MSRB2: variants seen among roughly 807,000 people sequenced by gnomAD.
The protein encoded by MSRB2 is methionine sulfoxide reductase B2.
MSRB2 carries 17 observed loss-of-function variants against 19.0 expected under a neutral mutation model. That is an observed-to-expected ratio of 0.89 (90% CI 0.61 to 1.34). The LOEUF is 1.34. Among genes scored for constraint, MSRB2 ranks in the 40% most tolerant of loss-of-function variants. MSRB2 has a pLI of 0.00. For synonymous variants in MSRB2, 107 were observed against 99.7 expected, an observed-to-expected ratio of 1.07 and a Z score of -0.44; for missense variants, 208 against 237.6, an observed-to-expected ratio of 0.88 and a Z score of 0.82.
At chr10:23,114,247 G>A (rs1274323182) in intron 3 of MSRB2, among the ~76,000 whole-genome samples, 1 of 151,844 alleles carries the variant, frequency 6.6e-6, no homozygotes, top group Non-Finnish European at 1.5e-5. Flanking sequence ...CTACTAAGGA[G>A]GCTGAGGTAG....
At chr10:23,099,021 C>T (rs997172464) in intron 1 of MSRB2, among the ~76,000 whole-genome samples, 1 of 152,210 alleles carries the variant, frequency 6.6e-6, no homozygotes, top group African/African-American at 2.4e-5. Context: ...GTCCCTTCCT[C>T]TTATGAGGAC....
intron 1 of MSRB2, among the ~76,000 whole-genome samples, chr10:23,099,918 T>C (rs1408743806): frequency 6.6e-6 from 1 of 152,220 alleles, no homozygotes; most frequent in East Asian, 1.9e-4. Flanking sequence ...GACTTTTAGC[T>C]CTTCTCTAAT....
At chr10:23,100,446 T>C (rs180999348) in intron 1 of MSRB2, among the ~76,000 whole-genome samples, 499 of 152,276 alleles carry the variant, frequency 3.3e-3, no homozygotes, top group African/African-American at 0.011. Flanking sequence ...CACAGTGCTA[T>C]AAAGAAATAC....
At chr10:23,105,971 T>C (rs939763133) in intron 2 of MSRB2, among the ~76,000 whole-genome samples, 2 of 152,048 alleles carry the variant, frequency 1.3e-5, no homozygotes, top group Non-Finnish European at 2.9e-5. Flanking sequence ...CACATGATAC[T>C]CTGTGAGCAG....
intron 3 of MSRB2, among the ~76,000 whole-genome samples, chr10:23,111,525 C>T (rs559416696): frequency 9.8e-4 from 149 of 152,342 alleles, no homozygotes; most frequent in African/African-American, 3.4e-3. Context: ...TCACAGTCTT[C>T]ACTCTTCCCC....
At chr10:23,111,399 T>C (rs968363419) in intron 3 of MSRB2, among the ~76,000 whole-genome samples, 3 of 152,246 alleles carry the variant, frequency 2.0e-5, no homozygotes, top group Non-Finnish European at 2.9e-5. Flanking sequence ...CATAGAACCA[T>C]GCTGCCAGCG....
Position 23,115,525 on chromosome 10 carries a change from C to T in MSRB2, c.297-3779C>T, listed in dbSNP as rs147451228. ...AGGGTTGTCAGTTATCACCAAGTGC[C>T]TGTGCTGTTGGTTTGGGACCTGTAG... On this transcript the variant is annotated intron_variant, in intron 3 of 4. Transcript: ENST00000376510. Among the ~76,000 whole-genome samples the T allele has an allele frequency of 3.5e-4, 53 of 152,302 alleles. No homozygotes were observed. The East Asian group carries it at 9.5e-3, about 27-fold the overall frequency.
At chr10:23,107,896 C>T (rs1840001402) in intron 2 of MSRB2, among the ~76,000 whole-genome samples, 1 of 151,644 alleles carries the variant, frequency 6.6e-6, no homozygotes, top group Non-Finnish European at 1.5e-5. Flanking sequence ...GGAAGCTAGG[C>T]AAGGAGAGAG....
chr10:23,102,181 CACTT>C (rs1383947682), intron 1 of MSRB2, among the ~76,000 whole-genome samples: 1 of 152,188 alleles, frequency 6.6e-6, no homozygotes, highest in African/African-American at 2.4e-5. Context: ...CACACACTCA[CACTT>C]ACTTATTTAT....
At position 23,120,867 on chromosome 10, in the gene MSRB2, C is replaced by A; in HGVS notation, c.*5C>A. Reference sequence around the variant, plus strand: ...TTCAAACCAAGGAAACACTGACCATCTTCAAGAGTCCCGTTCCCTTGCCAC... The same window carrying A: ...TTCAAACCAAGGAAACACTGACCATATTCAAGAGTCCCGTTCCCTTGCCAC... On this transcript the variant is annotated 3_prime_UTR_variant, in exon 5 of 5. Transcript: ENST00000376510. The A allele has an allele frequency of 6.2e-7, 1 of 1,609,728 alleles. No individual in the cohort carries two copies. Among genetic ancestry groups the A allele is most frequent in the Non-Finnish European group, 8.5e-7 (1 of 1,176,450 alleles).
At chr10:23,100,157 G>A (rs1839912035) in intron 1 of MSRB2, among the ~76,000 whole-genome samples, 1 of 152,232 alleles carries the variant, frequency 6.6e-6, no homozygotes, top group African/African-American at 2.4e-5. Context: ...AAAGCTAAGA[G>A]GAGGGTGTTT....
intron 4 of MSRB2, among the ~76,000 whole-genome samples, chr10:23,119,964 A>G (rs1840163930): frequency 6.6e-6 from 1 of 152,186 alleles, no homozygotes; most frequent in Non-Finnish European, 1.5e-5. Context: ...CACTGCAAAA[A>G]AGAGAAAAGT....
At chr10:23,107,677 G>T (rs1839998349) in intron 2 of MSRB2, among the ~76,000 whole-genome samples, 1 of 152,104 alleles carries the variant, frequency 6.6e-6, no homozygotes. Flanking sequence ...GGTATAAATT[G>T]TCAGCTCACG....
intron 3 of MSRB2, among the ~76,000 whole-genome samples, chr10:23,117,141 G>C (rs902110371): frequency 2.6e-5 from 4 of 152,138 alleles, no homozygotes; most frequent in Non-Finnish European, 5.9e-5. Flanking sequence ...GGATGCTGAG[G>C]CTTCAAAAAA....
At chr10:23,111,785 CAATTTAATTTTAATTAATTTAAACTTA>C (rs572888208) in intron 3 of MSRB2, among the ~76,000 whole-genome samples, 12 of 150,780 alleles carry the variant, frequency 8.0e-5, no homozygotes, top group African/African-American at 2.4e-4. Flanking sequence ...CTGACTTTTT[CAATTTAATTTTAATTAATTTAAACTTA>C]AATTTAATTT....
chr10:23,107,599 C>T (rs1282995640), intron 2 of MSRB2, among the ~76,000 whole-genome samples: 1 of 152,182 alleles, frequency 6.6e-6, no homozygotes. Context: ...TGGAAACTCC[C>T]CCCTTCGTAG....
At chr10:23,109,763 T>C (rs941355770) in intron 2 of MSRB2, among the ~76,000 whole-genome samples, 1 of 152,236 alleles carries the variant, frequency 6.6e-6, no homozygotes, top group African/African-American at 2.4e-5. Context: ...TGCTGTGTCC[T>C]AAACATTATG....
intron 1 of MSRB2, among the ~76,000 whole-genome samples, chr10:23,099,414 C>T (rs192870259): frequency 2.2e-4 from 34 of 152,228 alleles, no homozygotes; most frequent in South Asian, 1.5e-3. Flanking sequence ...CTAAAGTTTT[C>T]GCACACATTA....
At chr10:23,104,750 G>A (rs569604271) in intron 2 of MSRB2, among the ~76,000 whole-genome samples, 10 of 151,996 alleles carry the variant, frequency 6.6e-5, no homozygotes, top group African/African-American at 1.7e-4. Context: ...CTCTTGACAC[G>A]GTACTTTGGC....
Sources: gnomAD v4.1 joint callset for allele counts (sites outside exome capture counted in the v4.1 genomes callset) on GRCh38, gnomAD v4.1.1 for gene constraint, MANE v1.5 for transcripts, NCBI Gene and HGNC (gene_info 2026-07-23, HGNC 2026-07-21) for gene names.